Variants in GTPBP6 observed in about 807,000 individuals in gnomAD.
GTPBP6 encodes GTP binding protein 6.
In GTPBP6, 33 loss-of-function variants were observed where a neutral mutation model predicts 28.9. The observed-to-expected ratio is 1.14, with a 90% CI of 0.87 to 1.53. The LOEUF (loss-of-function observed/expected upper bound fraction) is 1.53. Among genes scored for constraint, GTPBP6 ranks in the 40% most tolerant of loss-of-function variants. GTPBP6 has a pLI of 0.00. For synonymous variants in GTPBP6, 231 were observed against 192.7 expected, an observed-to-expected ratio of 1.20 and a Z score of -1.65; for missense variants, 507 against 408.3, an observed-to-expected ratio of 1.24 and a Z score of -2.08.
At chrX:317,798 C>G (rs1370667515) in intron 1 of GTPBP6, among the ~76,000 whole-genome samples, 2 of 146,242 alleles carry the variant, frequency 1.4e-5, no homozygotes, top group African/African-American at 5.1e-5. Context: ...GCACTTTTAC[C>G]CCATAGGCCC....
At chrX:306,013 C>T (rs925940847) in intron 9 of GTPBP6, among the ~76,000 whole-genome samples, 4 of 152,190 alleles carry the variant, frequency 2.6e-5, no homozygotes, top group Non-Finnish European at 5.9e-5. Context: ...ATCCTCCTGC[C>T]TCGGCCTCCC....
chrX:311,926 T>C, intron 6 of GTPBP6: 2 of 577,240 alleles, frequency 3.5e-6, no homozygotes, highest in Admixed American at 5.8e-5. Flanking sequence ...GATTTGGCAA[T>C]GGCGTAGATG....
At chrX:316,604 C>A (rs2070445066) in intron 2 of GTPBP6, among the ~76,000 whole-genome samples, 1 of 152,174 alleles carries the variant, frequency 6.6e-6, no homozygotes, top group African/African-American at 2.4e-5. Flanking sequence ...TTGGCTGGGG[C>A]CTGCAGGGGC....
chrX:312,729 A>G, intron 6 of GTPBP6, 37 bp downstream of exon 6: 1 of 1,585,662 alleles, frequency 6.3e-7, no homozygotes, highest in Non-Finnish European at 8.6e-7. Flanking sequence ...GGTGACACGG[A>G]GACCGCGGAA....
In GTPBP6 at chrX:318,268, G is replaced by A. The variant is rs1377187862; in HGVS notation, c.349+171C>T. ...CCTTCCTGCAGAGCCCCGCCCTTGC[G>A]CCTCCACCTATGAGATTCTCCCCAC... On this transcript the variant is annotated intron_variant, in intron 1 of 9. Transcript: ENST00000326153. Among the ~76,000 whole-genome samples the A allele has an allele frequency of 2.1e-3, 292 of 137,650 alleles. 2 individuals are homozygous for A. Among genetic ancestry groups the A allele is most frequent in the African/African-American group, 7.8e-3 (280 of 35,876 alleles). The allele number at this position is 137,650 out of a possible 152,430, so 90.3% of individuals were successfully genotyped here. A position where few individuals can be genotyped will look rare whatever the true frequency, so the allele number is the denominator to read the frequency against.
At chrX:309,493 C>G (rs1180000324) in intron 7 of GTPBP6, among the ~76,000 whole-genome samples, 1 of 152,090 alleles carries the variant, frequency 6.6e-6, no homozygotes. Context: ...GGGGCAGACA[C>G]AGAAGAGAAG....
Position 317,170 on chromosome X carries a change from C to T in GTPBP6, c.350-119G>A, listed in dbSNP as rs2124479114. ...TCTCCCCGGAGAAGGCACCTTGAGC[C>T]GCCGTTTGTCCCCCGATATGACTTC... is the stretch of plus-strand genomic sequence containing the variant. On this transcript the variant is annotated intron_variant, in intron 1 of 9. Coordinates refer to ENST00000326153, the Ensembl canonical transcript of GTPBP6. The T allele has an allele frequency of 2.5e-5, 10 of 398,108 alleles. No individual in the cohort carries two copies. In the East Asian group the frequency reaches 3.6e-4, roughly 14 times the overall value. 24.7% of individuals were successfully genotyped at this position (398,108 alleles called of 1,614,324 possible).
chrX:311,215 GCTTTGTGTGTGTCTGAGT>G (rs2070282196), intron 7 of GTPBP6, among the ~76,000 whole-genome samples, 186 bp downstream of exon 7: 1 of 147,450 alleles, frequency 6.8e-6, no homozygotes, highest in African/African-American at 2.7e-5. Context: ...CCGGCCCCTG[GCTTTGTGTGTGTCTGAGT>G]GCCTGGTCCC....
intron 5 of GTPBP6, among the ~76,000 whole-genome samples, chrX:313,283 G>A (rs2070353088): frequency 6.6e-6 from 1 of 152,238 alleles, no homozygotes; most frequent in South Asian, 2.1e-4. Flanking sequence ...CAGAACCTGG[G>A]AATGGGACCT....
chrX:314,401 C>T (rs1195589809), intron 4 of GTPBP6, among the ~76,000 whole-genome samples, 184 bp from the exon 5 acceptor site: 2 of 152,108 alleles, frequency 1.3e-5, no homozygotes, highest in East Asian at 1.9e-4. Flanking sequence ...CCGAGGGGAC[C>T]TGCCTAGTGG....
At chrX:307,399 A>T in exon 9 of GTPBP6, 1 of 1,612,502 alleles carries the variant, frequency 6.2e-7, no homozygotes. Flanking sequence ...GAGAGTGAGG[A>T]TCTGTCTCCC....
At chrX:305,397 C>T (rs2124439543) in intron 9 of GTPBP6, among the ~76,000 whole-genome samples, 200 bp from the exon 10 acceptor site, 1 of 150,962 alleles carries the variant, frequency 6.6e-6, no homozygotes, top group East Asian at 2.0e-4. Flanking sequence ...TCTCAGCTCA[C>T]TGCAAGCTCC....
chrX:314,855 G>A (rs1258798545), intron 4 of GTPBP6, 35 bp downstream of exon 4: 14 of 399,670 alleles, frequency 3.5e-5, no homozygotes, highest in South Asian at 2.5e-4. Context: ...GGGAGTGGAC[G>A]TGACGCTCGG....
intron 9 of GTPBP6, among the ~76,000 whole-genome samples, chrX:306,603 G>C (rs2070171168): frequency 6.7e-6 from 1 of 149,804 alleles, no homozygotes; most frequent in Non-Finnish European, 1.5e-5. Context: ...TTAGGCACCT[G>C]TTGTATGCAG....
intron 2 of GTPBP6, among the ~76,000 whole-genome samples, chrX:316,659 T>C (rs1250094460): frequency 1.5e-4 from 23 of 152,256 alleles, no homozygotes; most frequent in African/African-American, 5.1e-4. Context: ...TTTGTTGGAC[T>C]CTATAAACTG....
At chrX:305,127 C>T in exon 10 of GTPBP6, 12 of 1,613,488 alleles carry the variant, frequency 7.4e-6, no homozygotes, top group Non-Finnish European at 1.0e-5. Context: ...CTGATGATGA[C>T]CCTCACGTCG....
chrX:312,960 C>G (rs7498293), intron 5 of GTPBP6, 36 bp from the exon 6 acceptor site: 35 of 1,585,184 alleles, frequency 2.2e-5, no homozygotes, highest in Admixed American at 6.9e-5. Context: ...CGGTGAGCCA[C>G]GCCGGGAAAG....
chrX:314,175 G>C (rs377299944), exon 5 of GTPBP6: 51 of 1,612,900 alleles, frequency 3.2e-5, no homozygotes, highest in Non-Finnish European at 4.3e-5. Flanking sequence ...AGCGCGAGCC[G>C]ACTCCTCGGT....
chrX:314,271 C>T (rs1265360001), intron 4 of GTPBP6, 54 bp from the exon 5 acceptor site: 3 of 1,465,918 alleles, frequency 2.0e-6, no homozygotes, highest in African/African-American at 1.4e-5. Flanking sequence ...TCCCTCCCGG[C>T]AGAGGTCGAG....
Sources: allele counts gnomAD v4.1 joint callset (sites outside exome capture counted in the v4.1 genomes callset), GRCh38; gene constraint gnomAD v4.1.1; transcripts MANE v1.5; gene names NCBI Gene and HGNC (gene_info 2026-07-23, HGNC 2026-07-21).